L2HGDH: variants seen among roughly 807,000 people sequenced by gnomAD.
L2HGDH encodes L-2-hydroxyglutarate dehydrogenase.
L2HGDH carries 34 observed loss-of-function variants against 51.5 expected under a neutral mutation model. The ratio of observed to expected loss-of-function variants is 0.66; its 90% CI spans 0.50 to 0.88. The LOEUF is 0.88. Among genes scored for constraint, L2HGDH ranks in the 40% least tolerant of loss-of-function variants. L2HGDH has a pLI of 0.00. For synonymous variants in L2HGDH, 198 were observed against 197.9 expected (o/e 1.00, Z -0.01); for missense variants, 558 against 571.9 (o/e 0.98, Z 0.25).
At chr14:50,308,068 C>T (rs1194222044) in intron 1 of L2HGDH, among the ~76,000 whole-genome samples, 1 of 152,160 alleles carries the variant, frequency 6.6e-6, no homozygotes, top group Admixed American at 6.5e-5. Flanking sequence ...AGGACTCATA[C>T]ATAAAAGAAC....
rs76710192 is a variant in L2HGDH, at chr14:50,243,210, C to T, written c.*3848G>A. On this transcript the variant is annotated 3_prime_UTR_variant, in exon 10 of 10. Transcript: ENST00000267436. ...TATATGTATGGATAAAAGAGTTAAGCTACGTAACATGAAACACCAAAAATA... is the reference window on the plus strand; with the variant it reads ...TATATGTATGGATAAAAGAGTTAAGTTACGTAACATGAAACACCAAAAATA... The T allele has an allele frequency of 2.1e-4, 207 of 985,344 alleles. 1 individual carries two copies. The African/African-American group carries it at 3.4e-3, about 16-fold the overall frequency. 61.0% of individuals were successfully genotyped at this position (985,344 alleles called of 1,614,324 possible).
At chr14:50,308,682 T>A (rs2030874369) in intron 1 of L2HGDH, among the ~76,000 whole-genome samples, 1 of 152,234 alleles carries the variant, frequency 6.6e-6, no homozygotes, top group South Asian at 2.1e-4. Flanking sequence ...ACAGCCACTC[T>A]GGAAAAGAGT....
At chr14:50,261,057 C>T (rs1888990532) in intron 9 of L2HGDH, among the ~76,000 whole-genome samples, 1 of 151,772 alleles carries the variant, frequency 6.6e-6, no homozygotes, top group Admixed American at 6.6e-5. Context: ...GCAGAGGTTG[C>T]AGTGAGCCGA....
chr14:50,274,718 G>A (rs148194911), intron 6 of L2HGDH, among the ~76,000 whole-genome samples: 7 of 152,092 alleles, frequency 4.6e-5, no homozygotes, highest in Admixed American at 6.5e-5. Flanking sequence ...TGAGAACAAC[G>A]TTAAGTGTCC....
At chr14:50,257,021 T>G (rs1283474165) in intron 9 of L2HGDH, among the ~76,000 whole-genome samples, 1 of 152,108 alleles carries the variant, frequency 6.6e-6, no homozygotes, top group African/African-American at 2.4e-5. Context: ...CTGCAACCTC[T>G]GCCTCGCAGG....
chr14:50,282,135 T>C (rs12889265), intron 5 of L2HGDH, among the ~76,000 whole-genome samples: 86,779 of 151,874 alleles, frequency 0.57, 24,792 homozygotes, highest in East Asian at 0.66. Context: ...CCACTGCACC[T>C]AGCCTAGAGA....
intron 1 of L2HGDH, 23 bp downstream of exon 1, chr14:50,311,988 G>T: frequency 6.4e-7 from 1 of 1,550,574 alleles, no homozygotes; most frequent in South Asian, 1.2e-5. Flanking sequence ...CGCAGGCGGC[G>T]GGGAGGACCA....
chr14:50,258,178 C>T (rs1328755461), intron 9 of L2HGDH, among the ~76,000 whole-genome samples: 2 of 151,680 alleles, frequency 1.3e-5, no homozygotes, highest in Non-Finnish European at 2.9e-5. Context: ...AATCTTGTTT[C>T]ATCTATGTAC....
intron 9 of L2HGDH, among the ~76,000 whole-genome samples, chr14:50,252,098 GAA>G (rs544855513): frequency 9.1e-5 from 13 of 143,242 alleles, no homozygotes; most frequent in African/African-American, 2.5e-4. Context: ...GATATAAAGA[GAA>G]AAAAAAAAAA....
At chr14:50,258,604 C>T (rs144854379) in intron 9 of L2HGDH, among the ~76,000 whole-genome samples, 1,577 of 152,082 alleles carry the variant, frequency 0.01, 7 homozygotes, top group Non-Finnish European at 0.015. Context: ...GCCTTTAACT[C>T]CTGGGCTCAA....
intron 6 of L2HGDH, among the ~76,000 whole-genome samples, chr14:50,270,448 T>C (rs924215721): frequency 2.0e-5 from 3 of 152,110 alleles, no homozygotes; most frequent in Non-Finnish European, 4.4e-5. Context: ...AGCCTCAGAG[T>C]TCTCACCTGT....
In L2HGDH at chr14:50,274,797, G is replaced by A. The variant is rs190131194; in HGVS notation, c.738+3723C>T. Among the ~76,000 whole-genome samples the A allele has an allele frequency of 2.5e-3, 377 of 152,208 alleles. 2 individuals carry two copies. The Middle Eastern group carries it at 0.061, about 25-fold the overall frequency. ...ATGCAATATTATTCAGCCATAAAAA[G>A]GACAAAATTCTGCCATTTGTGACAA... On this transcript the variant is annotated intron_variant, in intron 6 of 9. Coordinates refer to ENST00000267436, the MANE Select transcript of L2HGDH (RefSeq NM_024884.3).
intron 3 of L2HGDH, among the ~76,000 whole-genome samples, chr14:50,296,585 T>C (rs2030070259): frequency 7.1e-6 from 1 of 141,654 alleles, no homozygotes; most frequent in Admixed American, 7.1e-5. Context: ...ATTGAAAACT[T>C]CCCACATTAA....
chr14:50,301,204 T>A (rs1010330688), intron 3 of L2HGDH, among the ~76,000 whole-genome samples: 1 of 152,170 alleles, frequency 6.6e-6, no homozygotes, highest in African/African-American at 2.4e-5. Flanking sequence ...AAAATTGGAA[T>A]CCTTATTAAT....
At chr14:50,257,601 A>T (rs1156865556) in intron 9 of L2HGDH, among the ~76,000 whole-genome samples, 1 of 151,894 alleles carries the variant, frequency 6.6e-6, no homozygotes, top group East Asian at 1.9e-4. Flanking sequence ...GAACTCCTGG[A>T]CCCAAACAAT....
chr14:50,242,726 C>T lies in L2HGDH; in HGVS notation c.*4332G>A. The T allele has an allele frequency of 1.0e-6, 1 of 985,414 alleles. No homozygotes were observed. Among genetic ancestry groups the T allele is most frequent in the Admixed American group, 6.1e-5 (1 of 16,280 alleles). The allele number at this position is 985,414 out of a possible 1,614,324, so 61.0% of individuals were successfully genotyped here. On this transcript the variant is annotated 3_prime_UTR_variant, in exon 10 of 10. Transcript: ENST00000267436. ...CCCTGATGAAGAGATTTCAAAAACTCCCTTTGAGTGTGTTAGAAAAGCTTA... is the reference window on the plus strand; with the variant it reads ...CCCTGATGAAGAGATTTCAAAAACTTCCTTTGAGTGTGTTAGAAAAGCTTA...
chr14:50,261,054 T>G (rs1595077209), intron 9 of L2HGDH, among the ~76,000 whole-genome samples: 1 of 151,940 alleles, frequency 6.6e-6, no homozygotes, highest in Non-Finnish European at 1.5e-5. Flanking sequence ...GAGGCAGAGG[T>G]TGCAGTGAGC....
intron 6 of L2HGDH, among the ~76,000 whole-genome samples, chr14:50,274,950 T>C (rs574606391): frequency 9.3e-5 from 10 of 107,908 alleles, no homozygotes; most frequent in African/African-American, 3.6e-4. Flanking sequence ...AGTACAATGA[T>C]GGTTGCTACA....
chr14:50,297,632 C>T (rs2030141629), intron 3 of L2HGDH, among the ~76,000 whole-genome samples: 1 of 152,190 alleles, frequency 6.6e-6, no homozygotes, highest in African/African-American at 2.4e-5. Context: ...CTCCCCAGCA[C>T]ATGGATCATT....
Sources: allele counts gnomAD v4.1 joint callset (sites outside exome capture counted in the v4.1 genomes callset), GRCh38; gene constraint gnomAD v4.1.1; transcripts MANE v1.5; gene names NCBI Gene and HGNC (gene_info 2026-07-23, HGNC 2026-07-21).